Variants in CCDC40 observed in about 807,000 individuals in gnomAD.
CCDC40 encodes the protein coiled-coil domain 40 molecular ruler complex subunit, also known as coiled-coil domain-containing protein 40.
A neutral mutation model predicts 124.5 loss-of-function variants in CCDC40; 104 were observed. That is an observed-to-expected ratio of 0.84 (90% CI 0.71 to 0.98). The LOEUF (loss-of-function observed/expected upper bound fraction) is 0.98, where lower values mean the gene tolerates loss of function less well. Among genes scored for constraint, CCDC40 ranks in the 50% least tolerant of loss-of-function variants. CCDC40 has a pLI of 0.00. For synonymous variants in CCDC40, 580 were observed against 602.9 expected (o/e 0.96, Z 0.56); for missense variants, 1,463 against 1,503.9 (o/e 0.97, Z 0.45).
In CCDC40 at chr17:80,095,366, G is replaced by T. The variant is rs760027732; in HGVS notation, c.2936G>T (p.Arg979Leu). 2 of 1,614,016 alleles carry T rather than the reference G, an allele frequency of 1.2e-6. No individual in the cohort carries two copies. The highest frequency in any genetic ancestry group is 1.7e-5 in the Admixed American group (1 of 60,014). Residue 979 changes from arginine to leucine, a missense_variant, in exon 18 of 20, where the codon CGC becomes CTC. Arg to Leu is a moderately radical substitution (Grantham distance 102). Coordinates refer to ENST00000397545, the MANE Select transcript of CCDC40 (RefSeq NM_017950.4). ...ETVTTQAEGQ[R>L]KMDRKALTRT... ...GTCACCACCCAGGCCGAGGGGCAGC[G>T]CAAGATGGACAGGAAGGCGCTCACC...
intron 17 of CCDC40, among the ~76,000 whole-genome samples, chr17:80,094,609 C>T (rs2038775554): frequency 1.3e-5 from 2 of 152,072 alleles, no homozygotes; most frequent in African/African-American, 4.8e-5. Context: ...GCAGAAGAAT[C>T]ACTTGAACCC....
In CCDC40 at chr17:80,087,702, A is replaced by G; in HGVS notation, c.2545A>G (p.Lys849Glu). Residue 849 changes from lysine to glutamate, a missense_variant, in exon 15 of 20, where the codon AAA (lysine) becomes GAA (glutamate). Lys to Glu is a moderately conservative substitution (Grantham distance 56, BLOSUM62 1). Coordinates refer to ENST00000397545, the MANE Select transcript of CCDC40 (RefSeq NM_017950.4). This position sits in a 1 kb window ranked among gnomAD's most constrained non-coding sequence, Gnocchi z 4.5. ...DLKKLNMLMNKNRCSSEELEQ... is the reference protein window; with the variant it reads ...DLKKLNMLMNENRCSSEELEQ... ...GAAGAAGCTCAACATGTTGATGAAT[A>G]AAAACCGGTGCAGCTCGGAGGAGCT... The G allele has an allele frequency of 6.2e-7, 1 of 1,614,038 alleles. No individual in the cohort carries two copies. The highest frequency in any genetic ancestry group is 8.5e-7 in the Non-Finnish European group (1 of 1,179,870).
At chr17:80,077,758 G>A (rs371019134) in intron 10 of CCDC40, among the ~76,000 whole-genome samples, 8 of 152,256 alleles carry the variant, frequency 5.3e-5, no homozygotes, top group Non-Finnish European at 7.3e-5. Context: ...TCTCTTCCCC[G>A]GCTTATTCGC....
At position 80,084,913 on chromosome 17, in the gene CCDC40, G is replaced by A. The variant is rs763129621; in HGVS notation, c.2160G>A (p.Thr720=). The change falls in exon 13 of 20, where the codon ACG becomes ACA. Residue 720 remains threonine (T), a synonymous_variant. Coordinates refer to ENST00000397545, the MANE Select transcript of CCDC40 (RefSeq NM_017950.4). ...TNSQSEISRR[T]ILIERKQGLI... is the part of the protein sequence containing the mutation. Reference sequence around the variant, plus strand: ...GCCAGAGCGAGATCTCCCGGCGCACGATCCTGATCGAGAGGAAGCAAGGGC... The same window carrying A: ...GCCAGAGCGAGATCTCCCGGCGCACAATCCTGATCGAGAGGAAGCAAGGGC... 1.1e-5 allele frequency: 17 copies of A among 1,613,954 alleles called. No individual in the cohort carries two copies. The highest frequency in any genetic ancestry group is 7.7e-5 in the South Asian group (7 of 91,084).
At chr17:80,079,661 C>A (rs1205931271) in intron 10 of CCDC40, among the ~76,000 whole-genome samples, 1 of 152,062 alleles carries the variant, frequency 6.6e-6, no homozygotes, top group Non-Finnish European at 1.5e-5. Flanking sequence ...GTGGCTCATG[C>A]CTGTAATCCC....
At chr17:80,064,737 G>A (rs2037992526) in intron 9 of CCDC40, among the ~76,000 whole-genome samples, 1 of 145,070 alleles carries the variant, frequency 6.9e-6, no homozygotes, top group African/African-American at 2.6e-5. Context: ...CCCCCACGAT[G>A]CCCCTAGACT....
intron 3 of CCDC40, among the ~76,000 whole-genome samples, chr17:80,046,302 G>A (rs564851192): frequency 1.1e-4 from 17 of 152,198 alleles, no homozygotes; most frequent in Non-Finnish European, 2.2e-4. Context: ...AGGCCAAAGC[G>A]GAAAGGCTGA....
intron 17 of CCDC40, 23 bp from the exon 18 acceptor site, chr17:80,095,240 A>G (rs748117606): frequency 1.9e-6 from 3 of 1,612,380 alleles, no homozygotes; most frequent in South Asian, 1.1e-5. Context: ...CCCCAGCCCC[A>G]GCCCCTCTGT....
intron 16 of CCDC40, 137 bp from the exon 17 acceptor site, chr17:80,089,627 G>A (rs1259170980): frequency 9.5e-7 from 1 of 1,047,566 alleles, no homozygotes; most frequent in Non-Finnish European, 1.5e-6. Context: ...CAGGCTTTGA[G>A]AGCCTCACGC....
At position 80,047,300 on chromosome 17, in the gene CCDC40, CA is replaced by C. The variant is rs2037448904; in HGVS notation, c.575del (p.Gln192ArgfsTer15). 1 of 1,613,898 alleles carries C rather than the reference CA, an allele frequency of 6.2e-7. No homozygotes were observed. The highest frequency in any genetic ancestry group is 1.1e-5 in the South Asian group (1 of 91,086). On this transcript the variant is annotated frameshift_variant, in exon 4 of 20. Coordinates refer to ENST00000397545, the MANE Select transcript of CCDC40 (RefSeq NM_017950.4). LOFTEE classifies it high-confidence loss of function. ...ATAGACAGGATCCACAGAGGAGCCCCAGGGGCAGGTGCTCCCAATGGGCGTC... is the reference window on the plus strand; with the variant it reads ...ATAGACAGGATCCACAGAGGAGCCCCGGGGCAGGTGCTCCCAATGGGCGTC... The part of the protein sequence containing the change: ...GRLTGSTEEP[Q>X]GQVLPMGVQH...
chr17:80,098,466 G>A (rs954867225), intron 19 of CCDC40, among the ~76,000 whole-genome samples: 3 of 152,268 alleles, frequency 2.0e-5, no homozygotes, highest in Non-Finnish European at 4.4e-5. Context: ...TGGGGCTGGC[G>A]AGAAGCCATC....
At position 80,066,018 on chromosome 17, in the gene CCDC40, G is replaced by T; in HGVS notation, c.1562+412G>T. On this transcript the variant is annotated intron_variant, in intron 10 of 19. Transcript: ENST00000397545. This position sits in a 1 kb window ranked among gnomAD's most constrained non-coding sequence, Gnocchi z 4.4. ...AATCCTATTTTAATCTCCAAAGGAAGGGGAGGAAGAGGCCTCCTCTGGGCA... is the reference window on the plus strand; with the variant it reads ...AATCCTATTTTAATCTCCAAAGGAATGGGAGGAAGAGGCCTCCTCTGGGCA... 2.9e-6 allele frequency: 2 copies of T among 683,582 alleles called. No homozygotes were observed. The highest frequency in any genetic ancestry group is 1.5e-5 in the South Asian group (1 of 66,338). The allele number at this position is 683,582 out of a possible 1,614,324, so 42.3% of individuals were successfully genotyped here. A position where few individuals can be genotyped will look rare whatever the true frequency, so the allele number is the denominator to read the frequency against.
Position 80,090,215 on chromosome 17 carries a change from A to G in CCDC40, c.2832+331A>G, listed in dbSNP as rs1567813185. 2.1e-5 allele frequency: 16 copies of G among 765,836 alleles called. 2 individuals carry two copies. Among genetic ancestry groups the G allele is most frequent in the South Asian group, 1.2e-4 (5 of 43,146 alleles). 47.4% of individuals were successfully genotyped at this position (765,836 alleles called of 1,614,324 possible). On this transcript the variant is annotated intron_variant, in intron 17 of 19. Coordinates refer to ENST00000397545, the MANE Select transcript of CCDC40 (RefSeq NM_017950.4). ...GGGACGCACGCAGGCACGTGCACGA[A>G]GAACACGGGACGCGCGCAGGCACGT...
intron 4 of CCDC40, among the ~76,000 whole-genome samples, chr17:80,048,156 A>T (rs2037478929): frequency 6.6e-6 from 1 of 152,116 alleles, no homozygotes; most frequent in Admixed American, 6.5e-5. Context: ...GCTGCTCGGG[A>T]GGCTGAGGCA....
intron 9 of CCDC40, among the ~76,000 whole-genome samples, chr17:80,063,738 G>A (rs1009171600): frequency 6.6e-6 from 1 of 152,186 alleles, no homozygotes; most frequent in Non-Finnish European, 1.5e-5. Flanking sequence ...GACCTCAGGT[G>A]ATCCGTCCGC....
intron 17 of CCDC40, chr17:80,090,802 C>T: frequency 8.0e-7 from 1 of 1,246,768 alleles, no homozygotes; most frequent in Non-Finnish European, 1.0e-6. Context: ...ATGGGCCTCA[C>T]TTTCACCATG....
Position 80,092,641 on chromosome 17 carries a change from C to T in CCDC40, c.2833-2622C>T, listed in dbSNP as rs550585424. Among the ~76,000 whole-genome samples the T allele has an allele frequency of 2.6e-4, 39 of 152,242 alleles. 1 individual carries two copies. The highest frequency in any genetic ancestry group is 8.4e-4 in the African/African-American group (35 of 41,536). The stretch of plus-strand genomic sequence containing the variant: ...TTCTCTTTTTTTAGAGACAGGGTTT[C>T]GCTCTGTCACCCGGGCTGGAGTGCA... On this transcript the variant is annotated intron_variant, in intron 17 of 19. Coordinates refer to ENST00000397545, the MANE Select transcript of CCDC40 (RefSeq NM_017950.4).
chr17:80,054,156 C>CT (rs768956018), intron 7 of CCDC40, among the ~76,000 whole-genome samples: 7 of 150,986 alleles, frequency 4.6e-5, no homozygotes, highest in East Asian at 1.9e-4. Context: ...AAATAAACTG[C>CT]TTTTTTTTTA....
chr17:80,093,518 CT>C (rs773036893), intron 17 of CCDC40, among the ~76,000 whole-genome samples: 611 of 138,974 alleles, frequency 4.4e-3, no homozygotes, highest in African/African-American at 5.9e-3. Context: ...TCTTATTTCT[CT>C]TTTTTTTTTT....
Sources: gnomAD v4.1 joint callset for allele counts (sites outside exome capture counted in the v4.1 genomes callset) on GRCh38, gnomAD v4.1.1 for gene constraint, Gnocchi (gnomAD v3.1) non-coding constraint, MANE v1.5 for transcripts, NCBI Gene and HGNC (gene_info 2026-07-23, HGNC 2026-07-21) for gene names.